The following NRG2 variants were observed in gnomAD, a reference collection of about 807,000 sequenced individuals.
NRG2 encodes the protein pro-neuregulin-2, membrane-bound isoform.
In NRG2, 27 loss-of-function variants were observed where a neutral mutation model predicts 73.9. The observed-to-expected ratio is 0.37, with a 90% CI of 0.27 to 0.50. The LOEUF (loss-of-function observed/expected upper bound fraction) is 0.50. Among genes scored for constraint, NRG2 ranks in the 20% least tolerant of loss-of-function variants. The pLI is 0.96. For synonymous variants in NRG2, 532 were observed against 541.0 expected (o/e 0.98, Z 0.23); for missense variants, 1,126 against 1,210.1 (o/e 0.93, Z 1.03).
intron 1 of NRG2, among the ~76,000 whole-genome samples, chr5:140,011,595 A>T (rs1427432846): frequency 2.6e-5 from 4 of 152,076 alleles, no homozygotes; most frequent in Admixed American, 2.6e-4. Flanking sequence ...CTACAGTGAG[A>T]TCCATGTGGC....
At chr5:139,965,353 G>A (rs892320131) in intron 1 of NRG2, among the ~76,000 whole-genome samples, 2 of 152,194 alleles carry the variant, frequency 1.3e-5, no homozygotes, top group African/African-American at 4.8e-5. Context: ...GGTTTTCCAA[G>A]AAGGCAAACA....
intron 1 of NRG2, among the ~76,000 whole-genome samples, chr5:140,041,792 A>C (rs1403317129): frequency 1.3e-5 from 2 of 152,158 alleles, no homozygotes; most frequent in African/African-American, 4.8e-5. Context: ...GGAAAACAGT[A>C]GCAGAAAAAG....
intron 1 of NRG2, among the ~76,000 whole-genome samples, chr5:140,018,832 T>C (rs1580958821): frequency 6.6e-6 from 1 of 152,162 alleles, no homozygotes; most frequent in Admixed American, 6.5e-5. Flanking sequence ...AGGCACTCCT[T>C]TCTCGGACCA....
chr5:139,901,822 G>T (rs1324768759), intron 1 of NRG2, among the ~76,000 whole-genome samples: 1 of 152,206 alleles, frequency 6.6e-6, no homozygotes, highest in Admixed American at 6.5e-5. Flanking sequence ...ACACAGAAAA[G>T]GCTGGTAACT....
At chr5:139,949,899 C>A (rs1754067465) in intron 1 of NRG2, among the ~76,000 whole-genome samples, 1 of 152,196 alleles carries the variant, frequency 6.6e-6, no homozygotes, top group African/African-American at 2.4e-5. Flanking sequence ...GGGGCCTGGT[C>A]ATGGGAAGAG....
intron 1 of NRG2, among the ~76,000 whole-genome samples, chr5:139,892,606 C>T (rs1764282537): frequency 6.6e-6 from 1 of 152,078 alleles, no homozygotes; most frequent in Non-Finnish European, 1.5e-5. Context: ...TTCTCTTTTA[C>T]AGCCCAGGGC....
chr5:139,955,942 C>T (rs998447414), intron 1 of NRG2, among the ~76,000 whole-genome samples: 2 of 152,132 alleles, frequency 1.3e-5, no homozygotes, highest in Admixed American at 6.5e-5. Context: ...AGGTGAGCAT[C>T]GGGCCATCTG....
intron 1 of NRG2, among the ~76,000 whole-genome samples, chr5:139,935,199 A>C (rs1181697596): frequency 6.6e-6 from 1 of 152,154 alleles, no homozygotes; most frequent in Non-Finnish European, 1.5e-5. Context: ...AAATAATCCT[A>C]ATATTTGGCA....
At position 139,851,912 on chromosome 5, in the gene NRG2, G is replaced by A; in HGVS notation, c.1545-81C>T. 1.1e-5 allele frequency: 13 copies of A among 1,228,924 alleles called. No homozygotes were observed. In the South Asian group the frequency reaches 1.7e-4, roughly 16 times the overall value. 76.1% of individuals were successfully genotyped at this position (1,228,924 alleles called of 1,614,324 possible). On this transcript the variant is annotated intron_variant, in intron 8 of 9. Coordinates refer to ENST00000361474, the MANE Select transcript of NRG2 (RefSeq NM_004883.3). This position sits in a 1 kb window ranked among gnomAD's most constrained non-coding sequence, Gnocchi z 4.2. Reference sequence around the variant, plus strand: ...CAGGTGTGGTCCCATGGACCTCCCTGGCTCTTCTTCCACCTCGAGCTCCCT... The same window carrying A: ...CAGGTGTGGTCCCATGGACCTCCCTAGCTCTTCTTCCACCTCGAGCTCCCT...
chr5:139,848,779 G>GGGGGTTTGGGGGGGC, intron 9 of NRG2, 82 bp from the exon 10 acceptor site: 1 of 198,602 alleles, frequency 5.0e-6, no homozygotes, highest in Non-Finnish European at 1.0e-5. Flanking sequence ...GGTAGGGTGG[G>GGGGGTTTGGGGGGGC]AGGGGCGGAC....
chr5:139,968,528 G>C (rs916474232), intron 1 of NRG2, among the ~76,000 whole-genome samples: 1 of 152,212 alleles, frequency 6.6e-6, no homozygotes, highest in Non-Finnish European at 1.5e-5. Flanking sequence ...AAGGGGATGG[G>C]TCAGAGAGAC....
intron 1 of NRG2, among the ~76,000 whole-genome samples, chr5:139,982,885 A>C (rs1756917386): frequency 6.6e-6 from 1 of 152,138 alleles, no homozygotes; most frequent in South Asian, 2.1e-4. Context: ...CCTCCATCAG[A>C]AACTGCCTTC....
rs1761415805 is a variant in NRG2 at position 139,851,533 on chromosome 5, A to G, written c.1772+71T>C. Reference sequence around the variant, plus strand: ...TTTGGAGTGTTTCTGAGGGGCCCTAAGGGTCAGCCTTGGGCCAGTGGTGCC... The same window carrying G: ...TTTGGAGTGTTTCTGAGGGGCCCTAGGGGTCAGCCTTGGGCCAGTGGTGCC... On this transcript the variant is annotated intron_variant, in intron 9 of 9. Transcript: ENST00000361474. This position sits in a 1 kb window ranked among gnomAD's most constrained non-coding sequence, Gnocchi z 4.2. The G allele has an allele frequency of 6.9e-7, 1 of 1,443,096 alleles. No individual in the cohort carries two copies. The allele number at this position is 1,443,096 out of a possible 1,614,324, so 89.4% of individuals were successfully genotyped here.
At chr5:139,950,621 T>C (rs940362117) in intron 1 of NRG2, among the ~76,000 whole-genome samples, 1 of 152,244 alleles carries the variant, frequency 6.6e-6, no homozygotes, top group African/African-American at 2.4e-5. Context: ...CAATCACAGC[T>C]GCCGCCTTTC....
At chr5:139,905,052 C>T (rs1374449829) in intron 1 of NRG2, among the ~76,000 whole-genome samples, 1 of 152,236 alleles carries the variant, frequency 6.6e-6, no homozygotes, top group Non-Finnish European at 1.5e-5. Flanking sequence ...CCAAAAGCCC[C>T]TCCCAGCCAG....
intron 1 of NRG2, among the ~76,000 whole-genome samples, chr5:139,891,837 C>A (rs1354298260): frequency 6.6e-6 from 1 of 152,060 alleles, no homozygotes; most frequent in East Asian, 1.9e-4. Flanking sequence ...TAAAAAAAAA[C>A]TATTTATGTG....
At chr5:139,858,042 T>C (rs1385401796) in intron 5 of NRG2, among the ~76,000 whole-genome samples, 1 of 152,194 alleles carries the variant, frequency 6.6e-6, no homozygotes, top group Non-Finnish European at 1.5e-5. Flanking sequence ...CAAAGCTACA[T>C]TTATTTACAA....
At chr5:140,007,681 A>G (rs765694701) in intron 1 of NRG2, among the ~76,000 whole-genome samples, 4 of 152,246 alleles carry the variant, frequency 2.6e-5, no homozygotes, top group Non-Finnish European at 5.9e-5. Flanking sequence ...GCTCCACCCA[A>G]CCCCTGAGAA....
At chr5:139,895,814 T>C (rs760042964) in intron 1 of NRG2, among the ~76,000 whole-genome samples, 4 of 152,228 alleles carry the variant, frequency 2.6e-5, no homozygotes, top group Non-Finnish European at 4.4e-5. Flanking sequence ...TGGAAAACTG[T>C]TACCATTTAC....
Sources: gnomAD v4.1 joint callset for allele counts (sites outside exome capture counted in the v4.1 genomes callset) on GRCh38, gnomAD v4.1.1 for gene constraint, Gnocchi (gnomAD v3.1) non-coding constraint, MANE v1.5 for transcripts, NCBI Gene and HGNC (gene_info 2026-07-23, HGNC 2026-07-21) for gene names.